The following EFCAB8 variants were observed in gnomAD, a reference collection of about 807,000 sequenced individuals.
EFCAB8 encodes EF-hand calcium binding domain 8, also known as EF-hand calcium-binding domain-containing protein 8.
A neutral mutation model predicts 116.3 loss-of-function variants in EFCAB8; 100 were observed. The ratio of observed to expected loss-of-function variants is 0.86; its 90% CI spans 0.73 to 1.02. The LOEUF is 1.02. Ranked by LOEUF, EFCAB8 falls within the 50% of genes least tolerant of loss-of-function variation. EFCAB8 has a pLI of 0.00. For synonymous variants in EFCAB8, 558 were observed against 567.9 expected, an observed-to-expected ratio of 0.98 and a Z score of 0.25; for missense variants, 1,320 against 1,416.9, an observed-to-expected ratio of 0.93 and a Z score of 1.10.
At chr20:32,875,702 T>A (rs1456575686) in intron 3 of EFCAB8, among the ~76,000 whole-genome samples, 9 of 151,650 alleles carry the variant, frequency 5.9e-5, no homozygotes, top group Non-Finnish European at 1.3e-4. Flanking sequence ...AGAGACAGGG[T>A]TTCACCATGT....
intron 23 of EFCAB8, among the ~76,000 whole-genome samples, chr20:32,954,911 T>G (rs1342325131): frequency 6.6e-6 from 1 of 152,228 alleles, no homozygotes; most frequent in African/African-American, 2.4e-5. Context: ...TATTATTCTT[T>G]TAATATATTG....
intron 3 of EFCAB8, 139 bp downstream of exon 3, chr20:32,867,886 T>A: frequency 1.0e-6 from 1 of 985,746 alleles, no homozygotes; most frequent in Non-Finnish European, 1.5e-6. Context: ...TGTCACCCAG[T>A]CTGGAGTGCA....
At chr20:32,876,943 G>A (rs1173882849) in intron 4 of EFCAB8, among the ~76,000 whole-genome samples, 2 of 152,102 alleles carry the variant, frequency 1.3e-5, no homozygotes, top group East Asian at 1.9e-4. Flanking sequence ...ACTCCAGCCT[G>A]GGTGACAAAG....
Position 32,943,731 on chromosome 20 carries a change from C to T in EFCAB8, c.2886C>T (p.Asp962=). 1 of 416,908 alleles carries T rather than the reference C, an allele frequency of 2.4e-6. No individual in the cohort carries two copies. Among genetic ancestry groups the T allele is most frequent in the Non-Finnish European group, 4.4e-6 (1 of 226,416 alleles). The allele number at this position is 416,908 out of a possible 1,614,324, so 25.8% of individuals were successfully genotyped here. A position where few individuals can be genotyped will look rare whatever the true frequency, so the allele number is the denominator to read the frequency against. The change falls in exon 23 of 27, where the codon GAC becomes GAT. Residue 962 remains aspartate (D), a synonymous_variant. Coordinates refer to ENST00000400522, the MANE Select transcript of EFCAB8 (RefSeq NM_001143967.2). ...LNSVADILYV[D]NFQLVISAGQ... Reference sequence around the variant, plus strand: ...GTGTGGCAGACATCCTGTATGTGGACAACTTCCAGCTGGTTATCAGCGCTG... The same window carrying T: ...GTGTGGCAGACATCCTGTATGTGGATAACTTCCAGCTGGTTATCAGCGCTG...
chr20:32,886,016 C>T (rs765495913), intron 6 of EFCAB8, among the ~76,000 whole-genome samples: 48 of 152,320 alleles, frequency 3.2e-4, no homozygotes, highest in African/African-American at 9.6e-4. Context: ...GCTGTCCCCA[C>T]GTCCTACCGA....
In EFCAB8 at chr20:32,909,930, A is replaced by G; in HGVS notation, c.1556A>G (p.Gln519Arg). 1 of 1,248,260 alleles carries G rather than the reference A, an allele frequency of 8.0e-7. No homozygotes were observed. Among genetic ancestry groups the G allele is most frequent in the Non-Finnish European group, 1.0e-6 (1 of 987,072 alleles). 77.3% of individuals were successfully genotyped at this position (1,248,260 alleles called of 1,614,324 possible). A position where few individuals can be genotyped will look rare whatever the true frequency, so the allele number is the denominator to read the frequency against. ...CAVLYSKIFK[Q>R]VVSGCLRGTV... Reference sequence around the variant, plus strand: ...GTCCTCTACAGCAAGATCTTTAAGCAGGTGAGTGGCCCAGGGCTCGCCTCT... The same window carrying G: ...GTCCTCTACAGCAAGATCTTTAAGCGGGTGAGTGGCCCAGGGCTCGCCTCT... The change falls in exon 15 of 27, where the codon CAG becomes CGG. Residue 519 changes from glutamine (Q) to arginine (R), a missense_variant and splice_region_variant. Transcript: ENST00000400522.
chr20:32,895,295 T>C (rs888425665), intron 9 of EFCAB8, among the ~76,000 whole-genome samples: 95 of 151,040 alleles, frequency 6.3e-4, no homozygotes, highest in Middle Eastern at 3.4e-3. Flanking sequence ...CAGACAGGCT[T>C]GTTTTATTTT....
chr20:32,917,221 T>C (rs1159018495), intron 17 of EFCAB8, 80 bp from the exon 18 acceptor site: 1 of 1,176,870 alleles, frequency 8.5e-7, no homozygotes, highest in Non-Finnish European at 1.2e-6. Flanking sequence ...CCCAGAATCC[T>C]CAAGGCTCCA....
At chr20:32,945,859 A>G (rs963085344) in intron 23 of EFCAB8, among the ~76,000 whole-genome samples, 2 of 152,030 alleles carry the variant, frequency 1.3e-5, no homozygotes, top group African/African-American at 4.8e-5. Context: ...CTACAGGTTT[A>G]TTTTTTTCAG....
chr20:32,946,993 C>T (rs1323337692), intron 23 of EFCAB8, among the ~76,000 whole-genome samples: 1 of 152,104 alleles, frequency 6.6e-6, no homozygotes, highest in Non-Finnish European at 1.5e-5. Flanking sequence ...GAGTATTATT[C>T]CACTGTATGG....
chr20:32,870,710 C>T (rs34039814), intron 3 of EFCAB8, among the ~76,000 whole-genome samples: 4,296 of 152,190 alleles, frequency 0.028, 93 homozygotes, highest in Non-Finnish European at 0.043. Context: ...CTATGTTGCC[C>T]AGGCTAGTCT....
At chr20:32,906,760 C>G in intron 12 of EFCAB8, 83 bp from the exon 13 acceptor site, 1 of 765,600 alleles carries the variant, frequency 1.3e-6, no homozygotes, top group Non-Finnish European at 2.3e-6. Context: ...TGCTCTTGTC[C>G]CCACTTCTGG....
intron 17 of EFCAB8, 95 bp downstream of exon 17, chr20:32,912,959 A>C (rs1199478274): frequency 1.5e-6 from 1 of 673,094 alleles, no homozygotes; most frequent in Non-Finnish European, 2.7e-6. Flanking sequence ...GGTGGTTGGA[A>C]CACCATGCAG....
intron 23 of EFCAB8, among the ~76,000 whole-genome samples, chr20:32,948,531 A>AGAAG (rs1988681742): frequency 1.2e-5 from 1 of 84,534 alleles, no homozygotes; most frequent in Admixed American, 1.0e-4. Flanking sequence ...TGAAAAAGAA[A>AGAAG]GAAAGAAAGA....
chr20:32,923,658 A>G (rs1287282880), intron 20 of EFCAB8, among the ~76,000 whole-genome samples: 1 of 152,196 alleles, frequency 6.6e-6, no homozygotes, highest in African/African-American at 2.4e-5. Context: ...GTATGAATGT[A>G]TATATATAAA....
chr20:32,864,822 T>G (rs140349148), intron 2 of EFCAB8, among the ~76,000 whole-genome samples: 61 of 152,330 alleles, frequency 4.0e-4, no homozygotes, highest in African/African-American at 1.4e-3. Context: ...TAAACATGCC[T>G]TTGTCTTTGA....
chr20:32,909,061 G>A (rs1300124250), intron 14 of EFCAB8, among the ~76,000 whole-genome samples: 1 of 152,196 alleles, frequency 6.6e-6, no homozygotes, highest in Admixed American at 6.5e-5. Flanking sequence ...CCCACAGATG[G>A]GAGCAGAAGC....
chr20:32,950,859 G>A (rs1439670074), intron 23 of EFCAB8, among the ~76,000 whole-genome samples: 2 of 152,122 alleles, frequency 1.3e-5, no homozygotes, highest in Non-Finnish European at 2.9e-5. Context: ...GTAGTTAGAA[G>A]AGACGTGATT....
Position 32,911,611 on chromosome 20 carries a change from G to T in EFCAB8, c.1689G>T (p.Arg563=), listed in dbSNP as rs1016308365. The part of the protein sequence containing the change: ...MTAMALDESE[R]CLLTGLRDGT... ...CCATGGCCCTGGATGAGTCAGAGCG[G>T]TGCCTGCTCACAGGTTTGCGGGATG... The change falls in exon 16 of 27, where the codon CGG becomes CGT. Residue 563 remains arginine (R), a synonymous_variant. Coordinates refer to ENST00000400522, the MANE Select transcript of EFCAB8 (RefSeq NM_001143967.2). 6.4e-7 allele frequency: 1 copy of T among 1,551,690 alleles called. No homozygotes were observed. Among genetic ancestry groups the T allele is most frequent in the South Asian group, 1.2e-5 (1 of 84,050 alleles).
Sources: gnomAD v4.1 joint callset for allele counts (sites outside exome capture counted in the v4.1 genomes callset) on GRCh38, gnomAD v4.1.1 for gene constraint, MANE v1.5 for transcripts, NCBI Gene and HGNC (gene_info 2026-07-23, HGNC 2026-07-21) for gene names.